The following DCP1A variants were observed in gnomAD, a reference collection of about 807,000 sequenced individuals.
The protein encoded by DCP1A is decapping mRNA 1A.
DCP1A carries 20 observed loss-of-function variants against 58.0 expected under a neutral mutation model. That is an observed-to-expected ratio of 0.34 (90% CI 0.24 to 0.50). DCP1A has a LOEUF of 0.50. Ranked by LOEUF, DCP1A falls within the 20% of genes least tolerant of loss-of-function variation. DCP1A has a pLI of 0.98. For synonymous variants in DCP1A, 285 were observed against 275.1 expected, an observed-to-expected ratio of 1.04 and a Z score of -0.36; for missense variants, 613 against 712.2, an observed-to-expected ratio of 0.86 and a Z score of 1.59.
At chr3:53,310,722 TC>T (rs1412766496) in intron 5 of DCP1A, among the ~76,000 whole-genome samples, 10 of 152,206 alleles carry the variant, frequency 6.6e-5, no homozygotes, top group African/African-American at 2.4e-4. Flanking sequence ...AAATTTAACT[TC>T]CATAGATCCA....
intron 5 of DCP1A, among the ~76,000 whole-genome samples, chr3:53,309,166 T>G (rs1313197223): frequency 6.6e-6 from 1 of 151,198 alleles, no homozygotes; most frequent in Non-Finnish European, 1.5e-5. Flanking sequence ...GGTCAAGAGA[T>G]TGAGACTATC....
At chr3:53,343,153 T>C (rs138033794) in intron 2 of DCP1A, among the ~76,000 whole-genome samples, 10 of 152,334 alleles carry the variant, frequency 6.6e-5, no homozygotes, top group African/African-American at 1.9e-4. Context: ...CACTATTCTA[T>C]AGATTAGGAG....
At chr3:53,331,034 T>C (rs2088990174) in intron 3 of DCP1A, among the ~76,000 whole-genome samples, 1 of 152,062 alleles carries the variant, frequency 6.6e-6, no homozygotes, top group Non-Finnish European at 1.5e-5. Flanking sequence ...AATTTTTGTA[T>C]TTTTAGTAGC....
Position 53,318,510 on chromosome 3 carries a change from C to T in DCP1A, c.371+897G>A, listed in dbSNP as rs1321203815. Among the ~76,000 whole-genome samples the T allele has an allele frequency of 2.6e-5, 4 of 152,036 alleles. No individual in the cohort carries two copies. The East Asian group carries it at 7.7e-4, about 29-fold the overall frequency. Reference sequence around the variant, plus strand: ...CAAAAACTGAAAAAAAGCAGAGGTGCACCAGAATATACCGTCTACCTATTA... The same window carrying T: ...CAAAAACTGAAAAAAAGCAGAGGTGTACCAGAATATACCGTCTACCTATTA... On this transcript the variant is annotated intron_variant, in intron 4 of 9. Transcript: ENST00000610213.
intron 6 of DCP1A, 43 bp downstream of exon 6, chr3:53,304,134 T>C: frequency 7.0e-7 from 1 of 1,435,528 alleles, no homozygotes; most frequent in Non-Finnish European, 9.7e-7. Context: ...TGAATGTTAC[T>C]CTTTGTTACT....
At chr3:53,322,351 C>T (rs1707992192) in intron 3 of DCP1A, among the ~76,000 whole-genome samples, 1 of 151,648 alleles carries the variant, frequency 6.6e-6, no homozygotes, top group Non-Finnish European at 1.5e-5. Context: ...ACTCGGGAGG[C>T]TGAGGCAGGA....
rs782317560 is a variant in DCP1A at position 53,288,198 on chromosome 3, G to C, written c.1535C>G (p.Thr512Arg). The stretch of plus-strand genomic sequence containing the variant: ...TTTCCTCTCAAGGTCCGAAGATCTT[G>C]TAACTGTCTGCTGGAAAACACTTGG... ...LAPSVFQQTV[T>R]RSSDLERKAS... is the part of the protein sequence containing the mutation. Residue 512 changes from threonine to arginine, a missense_variant, in exon 9 of 10, where the codon ACA becomes AGA. Transcript: ENST00000610213. 2 of 1,613,900 alleles carry C rather than the reference G, an allele frequency of 1.2e-6. No homozygotes were observed. Among genetic ancestry groups the C allele is most frequent in the African/African-American group, 2.7e-5 (2 of 74,926 alleles).
At chr3:53,307,022 C>T (rs1466640353) in intron 5 of DCP1A, among the ~76,000 whole-genome samples, 5 of 145,488 alleles carry the variant, frequency 3.4e-5, no homozygotes, top group Admixed American at 7.1e-5. Context: ...CTGTAACCTT[C>T]GCCTCTTGGG....
rs1000890063 is a variant in DCP1A at position 53,287,169 on chromosome 3, G to A, written c.*411C>T. 48 of 161,916 alleles carry A rather than the reference G, an allele frequency of 3.0e-4. No homozygotes were observed. Among genetic ancestry groups the A allele is most frequent in the Non-Finnish European group, 3.3e-4 (25 of 74,760 alleles). The allele number at this position is 161,916 out of a possible 1,614,324, so 10.0% of individuals were successfully genotyped here. On this transcript the variant is annotated 3_prime_UTR_variant, in exon 10 of 10. Transcript: ENST00000610213. Reference sequence around the variant, plus strand: ...TTGTCAGCCCAAAGCCCGTTTCTATGGGGTAGGCTGGGGGAAGCGGTGGGG... The same window carrying A: ...TTGTCAGCCCAAAGCCCGTTTCTATAGGGTAGGCTGGGGGAAGCGGTGGGG...
At chr3:53,313,137 G>C (rs1707699332) in intron 4 of DCP1A, among the ~76,000 whole-genome samples, 1 of 152,114 alleles carries the variant, frequency 6.6e-6, no homozygotes, top group African/African-American at 2.4e-5. Context: ...CTTGAAAATA[G>C]AGGTCTTGGT....
intron 5 of DCP1A, among the ~76,000 whole-genome samples, chr3:53,306,997 C>A: frequency 1.5e-5 from 2 of 134,706 alleles, no homozygotes; most frequent in Admixed American, 8.4e-5. Flanking sequence ...AGTGCAGTGG[C>A]GCAATCTTGG....
At chr3:53,342,078 GGATT>G (rs1371302913) in intron 3 of DCP1A, 62 bp downstream of exon 3, 43 of 1,352,786 alleles carry the variant, frequency 3.2e-5, no homozygotes, top group Non-Finnish European at 4.1e-5. Context: ...CCTAAATAAT[GGATT>G]GATAGAAACT....
At chr3:53,290,973 G>T in intron 7 of DCP1A, 117 bp from the exon 8 acceptor site, 3 of 885,814 alleles carry the variant, frequency 3.4e-6, no homozygotes, top group South Asian at 3.1e-5. Context: ...AACAGAAAAT[G>T]GTTCAGATAT....
intron 5 of DCP1A, among the ~76,000 whole-genome samples, chr3:53,309,413 G>A (rs1553688419): frequency 6.6e-6 from 1 of 150,724 alleles, no homozygotes; most frequent in African/African-American, 2.4e-5. Context: ...TATTATAGAA[G>A]TGCAATATCT....
At chr3:53,314,031 C>T (rs989564653) in intron 4 of DCP1A, among the ~76,000 whole-genome samples, 2 of 151,880 alleles carry the variant, frequency 1.3e-5, no homozygotes, top group Non-Finnish European at 2.9e-5. Context: ...TACCACAACC[C>T]ACCCATTGAA....
At position 53,292,680 on chromosome 3, in the gene DCP1A, G is replaced by C. The variant is rs372198236; in HGVS notation, c.772C>G (p.Leu258Val). ...CCTAACTGCTCAAAGGGAAATGGTA[G>C]GAATGAATTGGGCTCTTTCTGGGAG... ...DASQKEPNSF[L>V]PFPFEQLGGA... The change falls in exon 7 of 10, where the codon CTA (leucine) becomes GTA (valine). Residue 258 changes from leucine (L) to valine (V), a missense_variant. Coordinates refer to ENST00000610213, the MANE Select transcript of DCP1A (RefSeq NM_018403.7). The C allele has an allele frequency of 5.1e-4, 826 of 1,613,712 alleles. 8 individuals are homozygous for C. In the South Asian group the frequency reaches 8.2e-3, roughly 16 times the overall value.
intron 1 of DCP1A, among the ~76,000 whole-genome samples, chr3:53,346,251 A>T (rs1575627888): frequency 6.6e-6 from 1 of 152,234 alleles, no homozygotes; most frequent in African/African-American, 2.4e-5. Context: ...GTGGCTTCCC[A>T]TATCTCCTTC....
chr3:53,343,372 G>A (rs2089243162), intron 2 of DCP1A, among the ~76,000 whole-genome samples: 2 of 152,112 alleles, frequency 1.3e-5, no homozygotes, highest in South Asian at 4.1e-4. Context: ...ACAGTTTCTT[G>A]CGTCTCCTTT....
chr3:53,312,488 C>CATT, intron 4 of DCP1A, 109 bp from the exon 5 acceptor site: 4 of 648,358 alleles, frequency 6.2e-6, no homozygotes, highest in Non-Finnish European at 7.1e-6. Flanking sequence ...CACATGATGA[C>CATT]ATTCTTCTTT....
Sources: allele counts gnomAD v4.1 joint callset (sites outside exome capture counted in the v4.1 genomes callset), GRCh38; gene constraint gnomAD v4.1.1; transcripts MANE v1.5; gene names NCBI Gene and HGNC (gene_info 2026-07-23, HGNC 2026-07-21).